DCDC1: variants seen among roughly 807,000 people sequenced by gnomAD.
DCDC1 encodes the protein doublecortin domain containing 1.
Under a neutral mutation model 178.3 loss-of-function variants are expected in DCDC1, and 200 were observed. The observed-to-expected ratio is 1.12, with a 90% confidence interval of 1.00 to 1.26. The LOEUF is 1.26. Ranked by LOEUF, DCDC1 falls within the 50% of genes most tolerant of loss-of-function variation. The pLI is 0.00. For missense variants in DCDC1, 1,983 were observed against 1,749.2 expected (o/e 1.13, Z -2.38); for synonymous variants, 690 against 604.8 (o/e 1.14, Z -2.07).
intron 31 of DCDC1, 62 bp downstream of exon 31, chr11:30,904,899 G>A: frequency 6.3e-7 from 1 of 1,590,882 alleles, no homozygotes; most frequent in Non-Finnish European, 8.6e-7. Flanking sequence ...TTTTCTTTAA[G>A]AAGAATTGCC....
intron 9 of DCDC1, among the ~76,000 whole-genome samples, chr11:31,198,925 G>GA (rs896901475): frequency 6.6e-6 from 1 of 150,866 alleles, no homozygotes; most frequent in Admixed American, 6.6e-5. Context: ...AGAAATGAGT[G>GA]AAAAAAAATC....
chr11:31,158,208 A>G (rs961414498), intron 9 of DCDC1, among the ~76,000 whole-genome samples: 2 of 152,070 alleles, frequency 1.3e-5, no homozygotes, highest in East Asian at 1.9e-4. Flanking sequence ...TCCCAGGTTC[A>G]TGCCATTCTC....
chr11:31,242,994 A>G (rs1977359487), intron 8 of DCDC1, among the ~76,000 whole-genome samples: 1 of 151,894 alleles, frequency 6.6e-6, no homozygotes, highest in South Asian at 2.1e-4. Context: ...ACATCTTCTT[A>G]GATGTGTGCA....
In DCDC1 at chr11:30,900,380, C is replaced by A; in HGVS notation, c.4629G>T (p.Trp1543Cys). The change falls in exon 33 of 39, where the codon TGG (tryptophan) becomes TGT (cysteine). Residue 1543 changes from tryptophan to cysteine, a missense_variant. By Grantham distance (215) the Trp-to-Cys change is radical. Coordinates refer to ENST00000684477, the MANE Select transcript of DCDC1 (RefSeq NM_001387274.1). ...TLILRNPIAI[W>C]VSCGEPFLPP... ...GTAGAAATGGTTCACCACAAGACAC[C>A]CAGATGGCAATAGGATTTCTGAGGA... The A allele has an allele frequency of 6.4e-7, 1 of 1,569,930 alleles. No homozygotes were observed. The highest frequency in any genetic ancestry group is 8.6e-7 in the Non-Finnish European group (1 of 1,157,178).
chr11:31,087,015 G>C (rs1202941045), intron 17 of DCDC1, among the ~76,000 whole-genome samples: 6 of 152,040 alleles, frequency 3.9e-5, no homozygotes, highest in Admixed American at 3.9e-4. Flanking sequence ...GAAGTAATCT[G>C]GGTCTGGAGT....
chr11:30,948,549 C>G (rs1948206541), intron 21 of DCDC1, among the ~76,000 whole-genome samples: 2 of 152,134 alleles, frequency 1.3e-5, no homozygotes, highest in South Asian at 4.1e-4. Context: ...ATAGCCAAGA[C>G]AATCCTAAGC....
chr11:30,886,335 A>G (rs1297944169), intron 36 of DCDC1, among the ~76,000 whole-genome samples: 1 of 152,184 alleles, frequency 6.6e-6, no homozygotes, highest in Non-Finnish European at 1.5e-5. Flanking sequence ...AGATTGCAGT[A>G]GATTCATATG....
intron 11 of DCDC1, among the ~76,000 whole-genome samples, chr11:31,116,168 T>C (rs1289970674): frequency 2.0e-5 from 3 of 152,030 alleles, no homozygotes; most frequent in Admixed American, 1.3e-4. Flanking sequence ...CCAAGGCACA[T>C]CTACTCATAA....
At chr11:31,058,487 A>T (rs991717189) in intron 20 of DCDC1, among the ~76,000 whole-genome samples, 3 of 152,156 alleles carry the variant, frequency 2.0e-5, no homozygotes, top group African/African-American at 7.2e-5. Context: ...GAAGAAAAAT[A>T]AAGCAGGGAA....
chr11:31,261,717 G>A (rs529381825), intron 8 of DCDC1, among the ~76,000 whole-genome samples: 3 of 151,972 alleles, frequency 2.0e-5, no homozygotes, highest in African/African-American at 4.8e-5. Context: ...AATCCCCCAC[G>A]GATACCAAGG....
intron 29 of DCDC1, among the ~76,000 whole-genome samples, chr11:30,908,376 G>A (rs1422137871): frequency 2.0e-5 from 3 of 152,022 alleles, no homozygotes; most frequent in African/African-American, 4.8e-5. Context: ...GCCAGACTAC[G>A]CAACTGAGTG....
intron 18 of DCDC1, among the ~76,000 whole-genome samples, chr11:31,074,334 G>A (rs61878207): frequency 0.093 from 14,223 of 152,190 alleles, 950 homozygotes; most frequent in Non-Finnish European, 0.14. Flanking sequence ...ATTTGCTATG[G>A]TCTGAATGTG....
chr11:31,204,556 C>T (rs1173379746), intron 9 of DCDC1, among the ~76,000 whole-genome samples: 1 of 152,170 alleles, frequency 6.6e-6, no homozygotes, highest in East Asian at 1.9e-4. Context: ...TAGCCGGGGG[C>T]TCATGCCTGT....
chr11:31,281,752 C>T lies in DCDC1; in HGVS notation c.960+8895G>A, dbSNP rs140525007. Among the ~76,000 whole-genome samples the T allele has an allele frequency of 9.2e-5, 14 of 152,240 alleles. No individual in the cohort carries two copies. The East Asian group carries it at 2.7e-3, about 29-fold the overall frequency. On this transcript the variant is annotated intron_variant, in intron 7 of 38. Coordinates refer to ENST00000684477, the MANE Select transcript of DCDC1 (RefSeq NM_001387274.1). ...GACCTGATGGTTTGATAAGGGGAAA[C>T]TGTTTCGCTTGGCTTTCGTTCTCCC...
At chr11:30,945,677 G>C (rs1414081541) in intron 21 of DCDC1, among the ~76,000 whole-genome samples, 1 of 151,886 alleles carries the variant, frequency 6.6e-6, no homozygotes, top group Non-Finnish European at 1.5e-5. Flanking sequence ...GGGGTAACAA[G>C]AGCAAAACTC....
At chr11:31,242,165 A>T in intron 8 of DCDC1, among the ~76,000 whole-genome samples, 1 of 151,950 alleles carries the variant, frequency 6.6e-6, no homozygotes, top group Non-Finnish European at 1.5e-5. Flanking sequence ...CAGGGGGCAG[A>T]ATCTTAAACA....
At chr11:31,291,765 A>G (rs1035049600) in intron 6 of DCDC1, among the ~76,000 whole-genome samples, 1 of 152,086 alleles carries the variant, frequency 6.6e-6, no homozygotes, top group Non-Finnish European at 1.5e-5. Flanking sequence ...ACATAATTTT[A>G]TTTATAGATA....
chr11:31,053,336 T>C (rs1362052663), intron 20 of DCDC1, among the ~76,000 whole-genome samples: 1 of 152,066 alleles, frequency 6.6e-6, no homozygotes, highest in Admixed American at 6.6e-5. Context: ...GAAATGGTAA[T>C]TTAAAAATTA....
intron 6 of DCDC1, among the ~76,000 whole-genome samples, chr11:31,304,408 T>C (rs1038945091): frequency 2.6e-5 from 4 of 152,140 alleles, no homozygotes; most frequent in African/African-American, 9.6e-5. Flanking sequence ...TCAATGAATA[T>C]AAAATTAAGG....
Sources: allele counts gnomAD v4.1 joint callset (sites outside exome capture counted in the v4.1 genomes callset), GRCh38; gene constraint gnomAD v4.1.1; transcripts MANE v1.5; gene names NCBI Gene and HGNC (gene_info 2026-07-23, HGNC 2026-07-21).